SRRD: variants seen among roughly 807,000 people sequenced by gnomAD.
SRRD encodes the protein SRR1 domain containing, also known as SRR1-like protein.
SRRD carries 28 observed loss-of-function variants against 30.7 expected under a neutral mutation model. The observed-to-expected ratio is 0.91, with a 90% CI of 0.68 to 1.25. The LOEUF is 1.25. SRRD is among the 50% of genes most tolerant of loss of function. The pLI is 0.00. For synonymous variants in SRRD, 161 were observed against 159.6 expected (o/e 1.01, Z -0.07); for missense variants, 415 against 417.3 (o/e 0.99, Z 0.05).
rs773643884 is a variant in SRRD, at chr22:26,492,158, G to A, written c.*486G>A. ...CCCTTCGTGTCGCTTCCCAATGACG[G>A]GCATGAAGACAATGTTGTGCTCCTC... On this transcript the variant is annotated 3_prime_UTR_variant, in exon 7 of 7. Transcript: ENST00000215917. 6.2e-7 allele frequency: 1 copy of A among 1,614,172 alleles called. No individual in the cohort carries two copies. The highest frequency in any genetic ancestry group is 8.5e-7 in the Non-Finnish European group (1 of 1,180,028).
At chr22:26,487,517 G>A (rs907735411) in intron 2 of SRRD, among the ~76,000 whole-genome samples, 3 of 151,806 alleles carry the variant, frequency 2.0e-5, no homozygotes, top group East Asian at 1.9e-4. Flanking sequence ...GCGCCAGTAC[G>A]CCTGACTAAT....
At chr22:26,491,310 A>G (rs1009602367) in intron 6 of SRRD, 153 bp from the exon 7 acceptor site, 160 of 753,424 alleles carry the variant, frequency 2.1e-4, no homozygotes, top group Non-Finnish European at 6.1e-5. Context: ...GGGGCGCCCA[A>G]TTCATTGTGC....
Position 26,483,923 on chromosome 22 carries a change from C to T in SRRD, c.33C>T (p.Ser11=), listed in dbSNP as rs1158605468. 1.5e-6 allele frequency: 2 copies of T among 1,350,346 alleles called. No individual in the cohort carries two copies. Among genetic ancestry groups the T allele is most frequent in the Non-Finnish European group, 1.9e-6 (2 of 1,061,706 alleles). The allele number at this position is 1,350,346 out of a possible 1,614,324, so 83.6% of individuals were successfully genotyped here. The change falls in exon 1 of 7, where the codon TCC becomes TCT. Residue 11 remains serine, a synonymous_variant. Coordinates refer to ENST00000215917, the MANE Select transcript of SRRD (RefSeq NM_001013694.3). ...CGGCCGCAGCTGCGGCGCTGGAATC[C>T]TGGCAGGCGGCGGCTCCGCGGAAGA... is the stretch of plus-strand genomic sequence containing the variant. MAAAAAAALE[S]WQAAAPRKRR...
rs1921006319 is a variant in SRRD, at chr22:26,490,315, C to T, written c.764+117C>T. ...TCCATACTGGGGAAATGCTTTTCCACAGGGAACTGGATGAAGGCTTAAAGA... is the reference window on the plus strand; with the variant it reads ...TCCATACTGGGGAAATGCTTTTCCATAGGGAACTGGATGAAGGCTTAAAGA... On this transcript the variant is annotated intron_variant, in intron 5 of 6. Coordinates refer to ENST00000215917, the MANE Select transcript of SRRD (RefSeq NM_001013694.3). 6 of 1,197,366 alleles carry T rather than the reference C, an allele frequency of 5.0e-6. No homozygotes were observed. The East Asian group carries it at 1.3e-4, about 25-fold the overall frequency. The allele number at this position is 1,197,366 out of a possible 1,614,324, so 74.2% of individuals were successfully genotyped here.
Position 26,484,116 on chromosome 22 carries a change from C to T in SRRD, c.209+17C>T, listed in dbSNP as rs765763328. The T allele has an allele frequency of 6.6e-7, 1 of 1,525,948 alleles. No homozygotes were observed. Among genetic ancestry groups the T allele is most frequent in the African/African-American group, 1.4e-5 (1 of 71,730 alleles). The allele number at this position is 1,525,948 out of a possible 1,614,324, so 94.5% of individuals were successfully genotyped here. The stretch of plus-strand genomic sequence containing the variant: ...GGAGGCTGAGTGAGTGCAGGCTCGG[C>T]CCTGATGGAATCTTTGCGCCCATGG... On this transcript the variant is annotated intron_variant, in intron 1 of 6. Coordinates refer to ENST00000215917, the MANE Select transcript of SRRD (RefSeq NM_001013694.3).
Position 26,492,762 on chromosome 22 carries a change from TGGCTTTA to T in SRRD, c.*1091_*1097del. The stretch of plus-strand genomic sequence containing the variant: ...TACCTTGAAAACATAGGGCCCATAC[TGGCTTTA>T]TTTTTAACCTACCCACACAGGGCCC... On this transcript the variant is annotated 3_prime_UTR_variant, in exon 7 of 7. Transcript: ENST00000215917. 1 of 194,590 alleles carries T rather than the reference TGGCTTTA, an allele frequency of 5.1e-6. No individual in the cohort carries two copies. The highest frequency in any genetic ancestry group is 1.1e-5 in the Non-Finnish European group (1 of 92,870). 12.1% of individuals were successfully genotyped at this position (194,590 alleles called of 1,614,324 possible).
In SRRD at chr22:26,494,405, AG is replaced by A. The variant is rs774060606; in HGVS notation, c.*2734del. ...TGTTTTGATCCTGGTCCTACAGGCT[AG>A]TGACACTACTTTACAGGGATTTATA... On this transcript the variant is annotated 3_prime_UTR_variant, in exon 7 of 7. Coordinates refer to ENST00000215917, the MANE Select transcript of SRRD (RefSeq NM_001013694.3). 2.3e-5 allele frequency: 31 copies of A among 1,357,932 alleles called. No individual in the cohort carries two copies. In the Admixed American group the frequency reaches 2.3e-4, roughly 10 times the overall value. 84.1% of individuals were successfully genotyped at this position (1,357,932 alleles called of 1,614,324 possible).
At position 26,490,109 on chromosome 22, in the gene SRRD, G is replaced by A. The variant is rs1388335092; in HGVS notation, c.675G>A (p.Leu225=). 6.2e-7 allele frequency: 1 copy of A among 1,614,118 alleles called. No homozygotes were observed. Among genetic ancestry groups the A allele is most frequent in the East Asian group, 2.2e-5 (1 of 44,876 alleles). Reference sequence around the variant, plus strand: ...ACATGCTCCATTGTGGGACGGCCTTGTACAACAATCTTTTATGGAGTAACT... The same window carrying A: ...ACATGCTCCATTGTGGGACGGCCTTATACAACAATCTTTTATGGAGTAACT... The part of the protein sequence containing the change: ...IFYMLHCGTA[L]YNNLLWSNWS... The change falls in exon 5 of 7, where the codon TTG becomes TTA. Residue 225 remains leucine, a synonymous_variant. Coordinates refer to ENST00000215917, the MANE Select transcript of SRRD (RefSeq NM_001013694.3).
chr22:26,492,080 AC>A lies in SRRD; in HGVS notation c.*410del, dbSNP rs1317907490. ...CCACGTCTTCTCGCCCTGGACAAAGACCACTCCCCGGTCGATGTAGATCACA... is the reference window on the plus strand; with the variant it reads ...CCACGTCTTCTCGCCCTGGACAAAGACACTCCCCGGTCGATGTAGATCACA... On this transcript the variant is annotated 3_prime_UTR_variant, in exon 7 of 7. Coordinates refer to ENST00000215917, the MANE Select transcript of SRRD (RefSeq NM_001013694.3). The A allele has an allele frequency of 6.2e-6, 10 of 1,613,210 alleles. No individual in the cohort carries two copies. Among genetic ancestry groups the A allele is most frequent in the Non-Finnish European group, 8.5e-6 (10 of 1,179,624 alleles).
chr22:26,493,997 T>C lies in SRRD; in HGVS notation c.*2325T>C. 1 of 872,126 alleles carries C rather than the reference T, an allele frequency of 1.1e-6. No homozygotes were observed. The highest frequency in any genetic ancestry group is 1.7e-6 in the Non-Finnish European group (1 of 574,026). The allele number at this position is 872,126 out of a possible 1,614,324, so 54.0% of individuals were successfully genotyped here. A position where few individuals can be genotyped will look rare whatever the true frequency, so the allele number is the denominator to read the frequency against. On this transcript the variant is annotated 3_prime_UTR_variant, in exon 7 of 7. Coordinates refer to ENST00000215917, the MANE Select transcript of SRRD (RefSeq NM_001013694.3). Reference sequence around the variant, plus strand: ...TGACCATGTACCCCAGTCAGCAGGGTGAGAGTCTGTTGCTATGTGCAAAAG... The same window carrying C: ...TGACCATGTACCCCAGTCAGCAGGGCGAGAGTCTGTTGCTATGTGCAAAAG...
rs148804829 is a variant in SRRD, at chr22:26,492,236, A to G, written c.*564A>G. The G allele has an allele frequency of 1.2e-5, 20 of 1,614,074 alleles. No homozygotes were observed. The highest frequency in any genetic ancestry group is 1.6e-5 in the Non-Finnish European group (19 of 1,180,042). ...GTTCATGGGCACAGAGCTAGCGGCC[A>G]CGCCAATGCCCCTCTGAGCCATGTT... On this transcript the variant is annotated 3_prime_UTR_variant, in exon 7 of 7. Coordinates refer to ENST00000215917, the MANE Select transcript of SRRD (RefSeq NM_001013694.3).
rs202102148 is a variant in SRRD at position 26,491,544 on chromosome 22, T to G, written c.892T>G (p.Phe298Val). ...DIFNDTSVHW[F>V]PVQKLEQLSI... Reference sequence around the variant, plus strand: ...ATTTAATGATACCTCTGTCCACTGGTTCCCTGTGCAAAAGCTAGAACAGCT... The same window carrying G: ...ATTTAATGATACCTCTGTCCACTGGGTCCCTGTGCAAAAGCTAGAACAGCT... Residue 298 changes from phenylalanine (F) to valine (V), a missense_variant, in exon 7 of 7, where the codon TTC becomes GTC. Transcript: ENST00000215917. 5.3e-5 allele frequency: 86 copies of G among 1,614,154 alleles called. No homozygotes were observed. The African/African-American group carries it at 1.0e-3, about 20-fold the overall frequency.
intron 4 of SRRD, among the ~76,000 whole-genome samples, chr22:26,489,271 GAA>G (rs1452190107): frequency 1.3e-5 from 2 of 152,126 alleles, no homozygotes; most frequent in Non-Finnish European, 2.9e-5. Context: ...GGGAGACCAA[GAA>G]AAATGGGAGC....
Position 26,491,841 on chromosome 22 carries a change from C to G in SRRD, c.*169C>G, listed in dbSNP as rs1921229090. The G allele has an allele frequency of 2.2e-6, 2 of 921,374 alleles. No individual in the cohort carries two copies. Among genetic ancestry groups the G allele is most frequent in the Admixed American group, 5.5e-5 (2 of 36,640 alleles). The allele number at this position is 921,374 out of a possible 1,614,324, so 57.1% of individuals were successfully genotyped here. A position where few individuals can be genotyped will look rare whatever the true frequency, so the allele number is the denominator to read the frequency against. ...ACATGAGGACTTGGTATAAAGATTC[C>G]TGCCCTACGTGGCATTGTCCCATTT... On this transcript the variant is annotated 3_prime_UTR_variant, in exon 7 of 7. Transcript: ENST00000215917.
rs2091628548 is a variant in SRRD, at chr22:26,484,062, G to C, written c.172G>C (p.Asp58His). The C allele has an allele frequency of 6.7e-7, 1 of 1,484,662 alleles. No individual in the cohort carries two copies. The highest frequency in any genetic ancestry group is 2.3e-5 in the Admixed American group (1 of 44,044). The allele number at this position is 1,484,662 out of a possible 1,614,324, so 92.0% of individuals were successfully genotyped here. ...PRGPEAEFES[D>H]SGVVLRRIWE... The stretch of plus-strand genomic sequence containing the variant: ...GGGCCCCGAGGCGGAGTTCGAGTCT[G>C]ACAGCGGAGTCGTGCTTCGTCGCAT... Residue 58 changes from aspartate to histidine, a missense_variant, in exon 1 of 7, where the codon GAC (aspartate) becomes CAC (histidine). Transcript: ENST00000215917.
At chr22:26,484,590 T>C (rs4822724) in intron 1 of SRRD, among the ~76,000 whole-genome samples, 67,775 of 152,036 alleles carry the variant, frequency 0.45, 15,643 homozygotes, top group Middle Eastern at 0.49. Flanking sequence ...ACACACTTTA[T>C]GTTAAACATT....
In SRRD at chr22:26,494,457, A is replaced by G. The variant is rs1921661047; in HGVS notation, c.*2785A>G. ...GTAGCTAAACAGTCTAGCACTTATGAATATGGATTTTGGAGTCAGCCTGGT... is the reference window on the plus strand; with the variant it reads ...GTAGCTAAACAGTCTAGCACTTATGGATATGGATTTTGGAGTCAGCCTGGT... On this transcript the variant is annotated 3_prime_UTR_variant, in exon 7 of 7. Transcript: ENST00000215917. 1.1e-6 allele frequency: 1 copy of G among 951,286 alleles called. No homozygotes were observed. Among genetic ancestry groups the G allele is most frequent in the South Asian group, 1.6e-5 (1 of 62,316 alleles). The allele number at this position is 951,286 out of a possible 1,614,324, so 58.9% of individuals were successfully genotyped here.
intron 2 of SRRD, among the ~76,000 whole-genome samples, chr22:26,486,914 CTTTTT>C (rs57889671): frequency 3.9e-5 from 5 of 128,876 alleles, no homozygotes; most frequent in African/African-American, 1.2e-4. Context: ...GTCTTTGCTG[CTTTTT>C]TTTTTTTTTT....
At chr22:26,487,035 C>G (rs1468326835) in intron 2 of SRRD, among the ~76,000 whole-genome samples, 1 of 151,796 alleles carries the variant, frequency 6.6e-6, no homozygotes, top group African/African-American at 2.4e-5. Context: ...AATCCTCCTG[C>G]CTCAGTCTCC....
Sources: gnomAD v4.1 joint callset for allele counts (sites outside exome capture counted in the v4.1 genomes callset) on GRCh38, gnomAD v4.1.1 for gene constraint, MANE v1.5 for transcripts, NCBI Gene and HGNC (gene_info 2026-07-23, HGNC 2026-07-21) for gene names.